The following THADA variants were observed in gnomAD, a reference collection of about 807,000 sequenced individuals.
THADA encodes tRNA (32-2'-O)-methyltransferase regulator THADA.
Under a neutral mutation model 219.8 loss-of-function variants are expected in THADA, and 213 were observed. The ratio of observed to expected loss-of-function variants is 0.97; its 90% CI spans 0.87 to 1.09. The LOEUF is 1.09. THADA is among the 50% of genes least tolerant of loss of function. The pLI, the probability that THADA is intolerant of heterozygous loss-of-function variation, is 0.00. For missense variants in THADA, 2,956 were observed against 2,311.3 expected (o/e 1.28, Z -5.72); for synonymous variants, 1,018 against 828.9 (o/e 1.23, Z -3.92).
chr2:43,550,344 T>C (rs1261185636), intron 19 of THADA, among the ~76,000 whole-genome samples: 1 of 152,196 alleles, frequency 6.6e-6, no homozygotes, highest in Non-Finnish European at 1.5e-5. Flanking sequence ...GATGATTCAA[T>C]CAACATCTTA....
chr2:43,355,338 T>A (rs898193496), intron 29 of THADA, among the ~76,000 whole-genome samples: 1 of 152,230 alleles, frequency 6.6e-6, no homozygotes, highest in African/African-American at 2.4e-5. Context: ...TGTACTAATT[T>A]ACATTCCCAC....
Position 43,428,145 on chromosome 2 carries a change from G to C in THADA, c.4013C>G (p.Thr1338Ser). Reference protein sequence around the residue: ...ERLYASPMDGTSSALSMGPFV... With the variant: ...ERLYASPMDGSSSALSMGPFV... ...AGGTCCCATGCTGAGAGCAGAAGAAGTACCATCCATCGGGGAAGCGTAGAG... is the reference window on the plus strand; with the variant it reads ...AGGTCCCATGCTGAGAGCAGAAGAACTACCATCCATCGGGGAAGCGTAGAG... The change falls in exon 28 of 38, where the codon ACT becomes AGT. Residue 1338 changes from threonine to serine, a missense_variant. Physicochemically the swap from Thr to Ser is moderately conservative, Grantham distance 58. Transcript: ENST00000405975. The C allele has an allele frequency of 6.2e-7, 1 of 1,609,692 alleles. No individual in the cohort carries two copies. The highest frequency in any genetic ancestry group is 2.2e-5 in the East Asian group (1 of 44,816).
At chr2:43,512,057 G>C (rs553821418) in intron 22 of THADA, among the ~76,000 whole-genome samples, 1 of 152,294 alleles carries the variant, frequency 6.6e-6, no homozygotes, top group Non-Finnish European at 1.5e-5. Flanking sequence ...AGAACCAAAT[G>C]CTCCTTGTTA....
intron 28 of THADA, among the ~76,000 whole-genome samples, chr2:43,404,715 A>G (rs1193423070): frequency 6.6e-6 from 1 of 152,188 alleles, no homozygotes; most frequent in Non-Finnish European, 1.5e-5. Context: ...TTTATCACAG[A>G]GCGCATAGGA....
intron 28 of THADA, among the ~76,000 whole-genome samples, chr2:43,404,375 C>CT (rs905817751): frequency 0.012 from 1,545 of 130,892 alleles, 8 homozygotes; most frequent in Middle Eastern, 0.016. Flanking sequence ...TTTTTCTTTT[C>CT]TTTTTTTTTT....
rs1276090934 is a variant in THADA, at chr2:43,431,907, A to C, written c.3837-1605T>G. 2.8e-4 allele frequency among the ~76,000 whole-genome samples: 23 copies of C among 82,142 alleles called. No homozygotes were observed. In the East Asian group the frequency reaches 6.6e-3, roughly 24 times the overall value. The allele number at this position is 82,142 out of a possible 152,430, so 53.9% of individuals were successfully genotyped here. A position where few individuals can be genotyped will look rare whatever the true frequency, so the allele number is the denominator to read the frequency against. On this transcript the variant is annotated intron_variant, in intron 26 of 37. Coordinates refer to ENST00000405975, the MANE Select transcript of THADA (RefSeq NM_022065.5). ...AGTCTCGCTCTGTCGCCCAGGCTGG[A>C]ATGCAGTGGCGGGATCTCGGCTCAC... is the stretch of plus-strand genomic sequence containing the variant.
chr2:43,555,276 C>A (rs1305801914), intron 17 of THADA, among the ~76,000 whole-genome samples: 2 of 150,774 alleles, frequency 1.3e-5, no homozygotes, highest in African/African-American at 4.9e-5. Flanking sequence ...TAAAATACAG[C>A]CAGGATAAAG....
intron 29 of THADA, among the ~76,000 whole-genome samples, chr2:43,364,429 G>C (rs1234285021): frequency 6.6e-6 from 1 of 152,040 alleles, no homozygotes; most frequent in Non-Finnish European, 1.5e-5. Context: ...TGTGGGAGTT[G>C]TCCTGCATGC....
At chr2:43,234,783 G>C (rs1018935397) in intron 36 of THADA, among the ~76,000 whole-genome samples, 4 of 151,462 alleles carry the variant, frequency 2.6e-5, no homozygotes, top group African/African-American at 9.7e-5. Flanking sequence ...CCCCCAAGTA[G>C]CTGGGACTAT....
intron 31 of THADA, among the ~76,000 whole-genome samples, chr2:43,307,276 G>A (rs1303599380): frequency 6.6e-6 from 1 of 152,198 alleles, no homozygotes; most frequent in Non-Finnish European, 1.5e-5. Context: ...CAGTTGAAAC[G>A]ATGAGATATC....
At chr2:43,533,051 C>A (rs938783321) in intron 21 of THADA, among the ~76,000 whole-genome samples, 1 of 152,080 alleles carries the variant, frequency 6.6e-6, no homozygotes, top group Non-Finnish European at 1.5e-5. Context: ...AAGAAAAAAA[C>A]AAACCACCCC....
chr2:43,241,999 C>T (rs1356801239), intron 36 of THADA, among the ~76,000 whole-genome samples: 1 of 152,232 alleles, frequency 6.6e-6, no homozygotes, highest in African/African-American at 2.4e-5. Flanking sequence ...GATTCACTCA[C>T]CATTCCCTGC....
intron 29 of THADA, among the ~76,000 whole-genome samples, chr2:43,347,452 G>A (rs539842738): frequency 2.0e-5 from 3 of 152,298 alleles, no homozygotes; most frequent in South Asian, 4.1e-4. Flanking sequence ...TGCCAGAATC[G>A]AGGGAAGGGT....
At chr2:43,400,531 C>T (rs1016064780) in intron 28 of THADA, among the ~76,000 whole-genome samples, 5 of 145,660 alleles carry the variant, frequency 3.4e-5, no homozygotes, top group East Asian at 3.9e-4. Flanking sequence ...CGCCTACTGG[C>T]GGCAGGGAGG....
intron 31 of THADA, among the ~76,000 whole-genome samples, chr2:43,314,259 C>T (rs1464891523): frequency 6.6e-6 from 1 of 152,100 alleles, no homozygotes; most frequent in Non-Finnish European, 1.5e-5. Flanking sequence ...ATTAATCAAT[C>T]CTCTTCATGA....
chr2:43,549,414 AT>A (rs1558953383), intron 19 of THADA, 46 bp from the exon 20 acceptor site: 3 of 1,541,650 alleles, frequency 1.9e-6, no homozygotes, highest in Admixed American at 2.4e-5. Context: ...AACACATCAC[AT>A]GCCAGATTTC....
chr2:43,567,931 C>T (rs1045066293), intron 14 of THADA, among the ~76,000 whole-genome samples: 1 of 152,178 alleles, frequency 6.6e-6, no homozygotes, highest in African/African-American at 2.4e-5. Flanking sequence ...CCTCCATTCC[C>T]CAAGGTATTT....
chr2:43,501,010 A>G (rs6724761), intron 24 of THADA, among the ~76,000 whole-genome samples: 3,375 of 152,160 alleles, frequency 0.022, 50 homozygotes, highest in African/African-American at 0.044. Flanking sequence ...AAAATAATCT[A>G]TAAGACGTTT....
chr2:43,442,245 G>C (rs956506624), intron 26 of THADA, among the ~76,000 whole-genome samples: 1 of 152,086 alleles, frequency 6.6e-6, no homozygotes, highest in Non-Finnish European at 1.5e-5. Flanking sequence ...AGACCACTCT[G>C]GCCAACATGG....
Sources: allele counts gnomAD v4.1 joint callset (sites outside exome capture counted in the v4.1 genomes callset), GRCh38; gene constraint gnomAD v4.1.1; transcripts MANE v1.5; gene names NCBI Gene and HGNC (gene_info 2026-07-23, HGNC 2026-07-21).